The following NCAM2 variants were observed in gnomAD, a reference collection of about 807,000 sequenced individuals.
NCAM2 encodes the protein neural cell adhesion molecule 2, also known as N-CAM-2.
A neutral mutation model predicts 98.1 loss-of-function variants in NCAM2; 30 were observed. That is an observed-to-expected ratio of 0.31 (90% confidence interval 0.23 to 0.41). The LOEUF (loss-of-function observed/expected upper bound fraction) is 0.41. NCAM2 is among the 10% of genes least tolerant of loss of function. NCAM2 has a pLI of 1.00. For synonymous variants in NCAM2, 368 were observed against 342.4 expected (o/e 1.07, Z -0.83); for missense variants, 867 against 1,005.8 (o/e 0.86, Z 1.87).
At chr21:21,150,476 C>T (rs1197928815) in intron 1 of NCAM2, among the ~76,000 whole-genome samples, 1 of 151,990 alleles carries the variant, frequency 6.6e-6, no homozygotes, top group Non-Finnish European at 1.5e-5. Flanking sequence ...TAAATGTAGA[C>T]TTTTAAAAGA....
intron 1 of NCAM2, among the ~76,000 whole-genome samples, chr21:21,158,984 T>C (rs1219072815): frequency 6.6e-6 from 1 of 152,080 alleles, no homozygotes. Context: ...AGCTCCATGA[T>C]GTTATTGCCC....
Position 21,045,790 on chromosome 21 carries a change from C to T in NCAM2, c.55+47172C>T, listed in dbSNP as rs987132962. Reference sequence around the variant, plus strand: ...GAACCTTCAGCTTCCTTAAATTCAACGTCATAAAATATGTCACATGATGTT... The same window carrying T: ...GAACCTTCAGCTTCCTTAAATTCAATGTCATAAAATATGTCACATGATGTT... On this transcript the variant is annotated intron_variant, in intron 1 of 17. Coordinates refer to ENST00000400546, the MANE Select transcript of NCAM2 (RefSeq NM_004540.5). Among the ~76,000 whole-genome samples, 9 of 152,144 alleles carry T rather than the reference C, an allele frequency of 5.9e-5. No individual in the cohort carries two copies. The East Asian group carries it at 1.2e-3, about 20-fold the overall frequency.
At chr21:21,355,090 T>G (rs1376343839) in intron 8 of NCAM2, among the ~76,000 whole-genome samples, 4 of 152,102 alleles carry the variant, frequency 2.6e-5, no homozygotes, top group Non-Finnish European at 5.9e-5. Flanking sequence ...GTGAGTCCAG[T>G]TTTACCTTCT....
chr21:21,522,870 C>T (rs1989109974), intron 16 of NCAM2, among the ~76,000 whole-genome samples: 1 of 151,960 alleles, frequency 6.6e-6, no homozygotes, highest in Non-Finnish European at 1.5e-5. Context: ...GACCTCCAAC[C>T]ACCTCGGCCT....
intron 1 of NCAM2, chr21:21,226,820 CCATCTT>C (rs2070401281): frequency 6.6e-6 from 1 of 151,988 alleles, no homozygotes; most frequent in Non-Finnish European, 1.5e-5. Flanking sequence ...CACACACTGT[CCATCTT>C]CACCTAGGAA....
intron 15 of NCAM2, among the ~76,000 whole-genome samples, chr21:21,477,717 C>G (rs1985349423): frequency 6.6e-6 from 1 of 152,042 alleles, no homozygotes. Flanking sequence ...ACTAGGAGAA[C>G]ATAGAGAGTA....
chr21:21,297,005 T>C lies in NCAM2; in HGVS notation c.619+4764T>C, dbSNP rs28375786. Among the ~76,000 whole-genome samples, 618 of 151,906 alleles carry C rather than the reference T, an allele frequency of 4.1e-3. 3 individuals carry two copies. Among genetic ancestry groups the C allele is most frequent in the African/African-American group, 0.015 (604 of 41,510 alleles). On this transcript the variant is annotated intron_variant, in intron 5 of 17. Transcript: ENST00000400546. ...AGGACTTGAAGCATAAAGGTACACATATATTTTTTAAAGGATGAAAGCTAA... is the reference window on the plus strand; with the variant it reads ...AGGACTTGAAGCATAAAGGTACACACATATTTTTTAAAGGATGAAAGCTAA...
At chr21:21,029,443 CTA>C (rs562977974) in intron 1 of NCAM2, among the ~76,000 whole-genome samples, 25 of 152,186 alleles carry the variant, frequency 1.6e-4, no homozygotes, top group African/African-American at 6.0e-4. Context: ...CCTGCCAAAC[CTA>C]TGTCTGCGGT....
intron 9 of NCAM2, among the ~76,000 whole-genome samples, chr21:21,382,912 T>C (rs1195165202): frequency 6.6e-6 from 1 of 152,138 alleles, no homozygotes; most frequent in East Asian, 1.9e-4. Context: ...AGAAGTCCTA[T>C]AGTTTCATCC....
chr21:21,156,579 T>G (rs1364278904), intron 1 of NCAM2, among the ~76,000 whole-genome samples: 5 of 148,656 alleles, frequency 3.4e-5, no homozygotes, highest in African/African-American at 5.0e-5. Flanking sequence ...ATAGATAGAT[T>G]ATAGATAGAT....
At chr21:21,509,244 C>T (rs916783054) in intron 16 of NCAM2, among the ~76,000 whole-genome samples, 189 bp downstream of exon 16, 7 of 152,144 alleles carry the variant, frequency 4.6e-5, no homozygotes, top group Non-Finnish European at 8.8e-5. Context: ...AACAAAGTGA[C>T]TTTGACAACA....
chr21:21,486,303 C>CAAAAAAAAAAAAA (rs67182493), intron 15 of NCAM2, among the ~76,000 whole-genome samples: 2 of 52,264 alleles, frequency 3.8e-5, no homozygotes, highest in African/African-American at 1.7e-4. Flanking sequence ...GACTCCGTCT[C>CAAAAAAAAAAAAA]AAAAAAAAAA....
chr21:21,256,018 G>A (rs1601781329), intron 1 of NCAM2, among the ~76,000 whole-genome samples: 1 of 152,158 alleles, frequency 6.6e-6, no homozygotes, highest in South Asian at 2.1e-4. Context: ...TTTCAATAAT[G>A]TAGTGTATAC....
intron 5 of NCAM2, among the ~76,000 whole-genome samples, chr21:21,308,676 T>C (rs955417438): frequency 2.0e-5 from 3 of 152,124 alleles, no homozygotes; most frequent in Non-Finnish European, 4.4e-5. Context: ...TAGAAAAGTT[T>C]TAGTCATTAG....
intron 5 of NCAM2, among the ~76,000 whole-genome samples, chr21:21,322,983 C>T (rs2147789055): frequency 6.6e-6 from 1 of 152,152 alleles, no homozygotes; most frequent in South Asian, 2.1e-4. Context: ...AGAAACTTTC[C>T]AGGAAGCGTT....
intron 15 of NCAM2, among the ~76,000 whole-genome samples, chr21:21,485,300 C>T (rs1287621821): frequency 6.6e-6 from 1 of 151,976 alleles, no homozygotes; most frequent in Non-Finnish European, 1.5e-5. Context: ...AAAGTTACAC[C>T]CAATTCACTG....
chr21:21,122,569 G>A (rs186620439), intron 1 of NCAM2, among the ~76,000 whole-genome samples: 2 of 152,222 alleles, frequency 1.3e-5, no homozygotes, highest in Admixed American at 1.3e-4. Context: ...ATCTGAGCCC[G>A]TATTGTCTAA....
intron 8 of NCAM2, among the ~76,000 whole-genome samples, chr21:21,356,366 T>C (rs2075479052): frequency 6.6e-6 from 1 of 152,136 alleles, no homozygotes; most frequent in African/African-American, 2.4e-5. Context: ...AAGCAAACTT[T>C]ATATTTTAAA....
intron 15 of NCAM2, among the ~76,000 whole-genome samples, chr21:21,490,645 G>A (rs1165366095): frequency 6.6e-6 from 1 of 151,694 alleles, no homozygotes; most frequent in Admixed American, 6.6e-5. Flanking sequence ...TAAAAAGCAA[G>A]CAATTACAAC....
Sources: allele counts gnomAD v4.1 joint callset (sites outside exome capture counted in the v4.1 genomes callset), GRCh38; gene constraint gnomAD v4.1.1; transcripts MANE v1.5; gene names NCBI Gene and HGNC (gene_info 2026-07-23, HGNC 2026-07-21).